The following SPIRE1 variants were observed in gnomAD, a reference collection of about 807,000 sequenced individuals.
SPIRE1 encodes spire type actin nucleation factor 1, also known as protein spire homolog 1.
A neutral mutation model predicts 94.1 loss-of-function variants in SPIRE1; 40 were observed. That is an observed-to-expected ratio of 0.43 (90% CI 0.33 to 0.55). SPIRE1 has a LOEUF of 0.55. Among genes scored for constraint, SPIRE1 ranks in the 20% least tolerant of loss-of-function variants. The probability of loss-of-function intolerance (pLI) is 0.06; values close to 1 mark genes in which losing one functional copy is unlikely to be tolerated. For synonymous variants in SPIRE1, 376 were observed against 371.7 expected, an observed-to-expected ratio of 1.01 and a Z score of -0.13; for missense variants, 838 against 975.2, an observed-to-expected ratio of 0.86 and a Z score of 1.87.
In SPIRE1 at chr18:12,657,668, C is replaced by A; in HGVS notation, c.199G>T (p.Gly67Cys). 1 of 1,348,752 alleles carries A rather than the reference C, an allele frequency of 7.4e-7. No individual in the cohort carries two copies. The allele number at this position is 1,348,752 out of a possible 1,614,324, so 83.5% of individuals were successfully genotyped here. Residue 67 changes from glycine to cysteine, a missense_variant, in exon 1 of 17, where the codon GGT becomes TGT. This residue lies in a region of SPIRE1 where 193 missense variants were observed against 170.5 expected (regional missense o/e 1.13). Coordinates refer to ENST00000409402, the MANE Select transcript of SPIRE1 (RefSeq NM_001128626.2). ...QAWAVCYQCC[G>C]SLRAAARRRQ... is the part of the protein sequence containing the mutation. ...CGGCGGGCGGCGGCGCGCAGGGAAC[C>A]GCAGCACTGGTAGCACACGGCCCAC... is the stretch of plus-strand genomic sequence containing the variant.
chr18:12,520,289 T>C (rs1360668289), intron 4 of SPIRE1, among the ~76,000 whole-genome samples: 2 of 152,146 alleles, frequency 1.3e-5, no homozygotes, highest in African/African-American at 2.4e-5. Context: ...GTGTGAGTAG[T>C]AGACAAAAAT....
At position 12,495,982 on chromosome 18, in the gene SPIRE1, T is replaced by A. The variant is rs757980757; in HGVS notation, c.1059+34A>T. 3 of 1,464,994 alleles carry A rather than the reference T, an allele frequency of 2.0e-6. No homozygotes were observed. In the South Asian group the frequency reaches 3.4e-5, roughly 17 times the overall value. The allele number at this position is 1,464,994 out of a possible 1,614,324, so 90.7% of individuals were successfully genotyped here. Reference sequence around the variant, plus strand: ...TAGAGTAGAATAATTCATTATGATATCTCCAATCTAGAGAACTATGTCGAA... The same window carrying A: ...TAGAGTAGAATAATTCATTATGATAACTCCAATCTAGAGAACTATGTCGAA... On this transcript the variant is annotated intron_variant, in intron 7 of 16. Transcript: ENST00000409402.
chr18:12,627,718 G>A (rs1357010669), intron 2 of SPIRE1, among the ~76,000 whole-genome samples: 2 of 152,178 alleles, frequency 1.3e-5, no homozygotes, highest in Admixed American at 1.3e-4. Flanking sequence ...TCCAGCATCT[G>A]TTGTTTCCTG....
chr18:12,476,140 G>A lies in SPIRE1; in HGVS notation c.1404+3559C>T, dbSNP rs139516970. On this transcript the variant is annotated intron_variant, in intron 10 of 16. Coordinates refer to ENST00000409402, the MANE Select transcript of SPIRE1 (RefSeq NM_001128626.2). The stretch of plus-strand genomic sequence containing the variant: ...AGAACTACTGTCTCATCAATAGAAA[G>A]TTTATTAAAACTTTGATTAATACAA... 2.9e-3 allele frequency among the ~76,000 whole-genome samples: 439 copies of A among 152,242 alleles called. 8 individuals carry two copies. The highest frequency in any genetic ancestry group is 0.024 in the Admixed American group (370 of 15,280).
At chr18:12,519,381 C>T (rs1221356542) in intron 4 of SPIRE1, among the ~76,000 whole-genome samples, 1 of 150,268 alleles carries the variant, frequency 6.7e-6, no homozygotes, top group East Asian at 1.9e-4. Context: ...CAAACACTCT[C>T]TCTCTAACAA....
intron 2 of SPIRE1, among the ~76,000 whole-genome samples, chr18:12,580,996 G>A (rs2036243867): frequency 6.6e-6 from 1 of 152,042 alleles, no homozygotes; most frequent in African/African-American, 2.4e-5. Flanking sequence ...TATCCCCATG[G>A]GTGGAGAGTA....
chr18:12,540,698 G>A (rs1381124354), intron 3 of SPIRE1, among the ~76,000 whole-genome samples: 1 of 152,120 alleles, frequency 6.6e-6, no homozygotes, highest in Admixed American at 6.6e-5. Flanking sequence ...TTTAATCACT[G>A]CATTCTGCAT....
intron 2 of SPIRE1, among the ~76,000 whole-genome samples, chr18:12,576,510 A>G (rs538052643): frequency 1.4e-5 from 2 of 142,842 alleles, no homozygotes; most frequent in South Asian, 4.6e-4. Context: ...TGAACCCAGA[A>G]GGCGGAGGTT....
chr18:12,484,172 G>A (rs1284641827), intron 9 of SPIRE1, among the ~76,000 whole-genome samples: 1 of 152,146 alleles, frequency 6.6e-6, no homozygotes, highest in African/African-American at 2.4e-5. Context: ...TGGTCAATGT[G>A]TTTAGGCAGC....
At chr18:12,658,856 C>T (rs2038636530), upstream of SPIRE1, 1 of 309,686 alleles carries the variant, frequency 3.2e-6, no homozygotes, top group Non-Finnish European at 6.5e-6. Context: ...GGAATATAAA[C>T]ATGTACATAA....
In SPIRE1 at chr18:12,453,063, C is replaced by A. The variant is rs2031323338; in HGVS notation, c.1847+5G>T. The A allele has an allele frequency of 6.4e-7, 1 of 1,558,784 alleles. No individual in the cohort carries two copies. Among genetic ancestry groups the A allele is most frequent in the Non-Finnish European group, 8.6e-7 (1 of 1,156,182 alleles). On this transcript the variant is annotated splice_donor_5th_base_variant and intron_variant, in intron 14 of 16. Transcript: ENST00000409402. ...TATCTTTTCATCAATTACAAAATACCTTACCTCTTACAGAACTGACAGGTA... is the reference window on the plus strand; with the variant it reads ...TATCTTTTCATCAATTACAAAATACATTACCTCTTACAGAACTGACAGGTA...
chr18:12,475,386 T>C (rs182723701), intron 10 of SPIRE1, among the ~76,000 whole-genome samples: 226 of 152,338 alleles, frequency 1.5e-3, no homozygotes, highest in Admixed American at 3.7e-3. Context: ...TTCTTAGGTA[T>C]GTTTTTTATA....
chr18:12,656,623 T>C, intron 1 of SPIRE1: 1 of 705,220 alleles, frequency 1.4e-6, no homozygotes. Context: ...GAGGGTAGAT[T>C]GTTTTTCTAT....
intron 2 of SPIRE1, among the ~76,000 whole-genome samples, chr18:12,574,913 GAAGT>G (rs1486693843): frequency 3.9e-5 from 6 of 152,222 alleles, no homozygotes; most frequent in Non-Finnish European, 8.8e-5. Flanking sequence ...ATGTGGATAA[GAAGT>G]AAGAGGAACT....
chr18:12,527,979 T>C (rs1460845383), intron 4 of SPIRE1, among the ~76,000 whole-genome samples: 2 of 150,066 alleles, frequency 1.3e-5, no homozygotes, highest in Non-Finnish European at 2.9e-5. Flanking sequence ...GGCAGGAGAA[T>C]GGTGTGAACC....
intron 12 of SPIRE1, among the ~76,000 whole-genome samples, chr18:12,458,794 C>T (rs2143560732): frequency 6.6e-6 from 1 of 152,282 alleles, no homozygotes; most frequent in South Asian, 2.1e-4. Flanking sequence ...TGACCACGTG[C>T]TGCCCAAGAG....
chr18:12,516,004 G>A (rs1339021195), intron 4 of SPIRE1: 1 of 152,018 alleles, frequency 6.6e-6, no homozygotes, highest in Admixed American at 6.6e-5. Context: ...GGAAATCCTA[G>A]GGGAGCTTAA....
At chr18:12,556,797 A>G (rs1370665843) in intron 2 of SPIRE1, among the ~76,000 whole-genome samples, 1 of 152,186 alleles carries the variant, frequency 6.6e-6, no homozygotes, top group Non-Finnish European at 1.5e-5. Flanking sequence ...CCAAAGAGTG[A>G]GCAGCAGCAA....
intron 4 of SPIRE1, among the ~76,000 whole-genome samples, chr18:12,515,377 G>A (rs2034167662): frequency 6.6e-6 from 1 of 151,988 alleles, no homozygotes. Flanking sequence ...TTAGCCGGGT[G>A]TGGTGGCGCT....
Sources: gnomAD v4.1 joint callset for allele counts (sites outside exome capture counted in the v4.1 genomes callset) on GRCh38, gnomAD v4.1.1 for gene constraint, gnomAD v4.1.1 regional missense constraint, MANE v1.5 for transcripts, NCBI Gene and HGNC (gene_info 2026-07-23, HGNC 2026-07-21) for gene names.